NDE1: variants seen among roughly 807,000 people sequenced by gnomAD.
NDE1 encodes nuclear distribution protein nudE homolog 1.
NDE1 carries 28 observed loss-of-function variants against 43.4 expected under a neutral mutation model. The ratio of observed to expected loss-of-function variants is 0.65; its 90% CI spans 0.48 to 0.89. The LOEUF is 0.89. Among genes scored for constraint, NDE1 ranks in the 40% least tolerant of loss-of-function variants. NDE1 has a pLI of 0.00. For synonymous variants in NDE1, 184 were observed against 172.0 expected, an observed-to-expected ratio of 1.07 and a Z score of -0.55; for missense variants, 441 against 434.1, an observed-to-expected ratio of 1.02 and a Z score of -0.14.
In NDE1 at chr16:15,677,818, G is replaced by A; in HGVS notation, c.255G>A (p.Gln85=). 1.2e-6 allele frequency: 2 copies of A among 1,614,168 alleles called. No individual in the cohort carries two copies. The highest frequency in any genetic ancestry group is 1.7e-6 in the Non-Finnish European group (2 of 1,180,034). The stretch of plus-strand genomic sequence containing the variant: ...TCCTTCAGGAGAAGTTTGAAGTGCA[G>A]CACTCTGAAGGCTACCGGCAGATCT... ...LETIKEKFEV[Q]HSEGYRQISA... is the part of the protein sequence containing the mutation. Residue 85 remains glutamine (Q), a synonymous_variant, in exon 4 of 9, where the codon CAG becomes CAA. Transcript: ENST00000396354.
chr16:15,689,888 G>A lies in NDE1; in HGVS notation c.524-1256G>A, dbSNP rs565450474. Among the ~76,000 whole-genome samples, 43 of 146,624 alleles carry A rather than the reference G, an allele frequency of 2.9e-4. 1 individual carries two copies. The South Asian group carries it at 7.8e-3, about 27-fold the overall frequency. ...CCGGGAGGCAGATTTACAGTGAGCC[G>A]AGACTGTGCCACTGCACTTAAGCCC... On this transcript the variant is annotated intron_variant, in intron 5 of 8. Transcript: ENST00000396354.
At position 15,721,385 on chromosome 16, in the gene NDE1, G is replaced by A. The variant is rs373376078; in HGVS notation, c.948-2806G>A. The A allele has an allele frequency of 2.1e-4, 339 of 1,607,430 alleles. 5 individuals carry two copies. In the South Asian group the frequency reaches 3.1e-3, roughly 15 times the overall value. On this transcript the variant is annotated intron_variant, in intron 8 of 8. Coordinates refer to ENST00000396354, the MANE Select transcript of NDE1 (RefSeq NM_017668.3). Reference sequence around the variant, plus strand: ...TGAATAGCACAGAGGGTGGGCAGGCGAAACATGGACGAGAAAAACCACCCA... The same window carrying A: ...TGAATAGCACAGAGGGTGGGCAGGCAAAACATGGACGAGAAAAACCACCCA...
At chr16:15,644,710 C>T (rs1296497567) in intron 1 of NDE1, among the ~76,000 whole-genome samples, 8 of 152,088 alleles carry the variant, frequency 5.3e-5, no homozygotes, top group Admixed American at 5.2e-4. Context: ...CCGTTTCTAG[C>T]GTTTTGGCTT....
intron 4 of NDE1, among the ~76,000 whole-genome samples, chr16:15,684,903 G>A (rs1389402817): frequency 2.0e-5 from 3 of 152,162 alleles, no homozygotes; most frequent in African/African-American, 4.8e-5. Flanking sequence ...ATAGTAGTGC[G>A]TTCTGACTCT....
At position 15,717,306 on chromosome 16, in the gene NDE1, C is replaced by A. The variant is rs1041344233; in HGVS notation, c.948-6885C>A. 6.8e-6 allele frequency: 11 copies of A among 1,612,116 alleles called. No individual in the cohort carries two copies. The highest frequency in any genetic ancestry group is 1.7e-4 in the Middle Eastern group (1 of 6,058). ...TGCCGGGCACTCTCATTCTTCTGGG[C>A]CGTGCTGCGCTCTGTGGCCAGCTCG... On this transcript the variant is annotated intron_variant, in intron 8 of 8. Coordinates refer to ENST00000396354, the MANE Select transcript of NDE1 (RefSeq NM_017668.3).
At chr16:15,700,253 C>A in intron 8 of NDE1, 1 of 275,786 alleles carries the variant, frequency 3.6e-6, no homozygotes, top group Admixed American at 6.1e-5. Context: ...CCCACCACCA[C>A]ACCTGGCTGA....
chr16:15,718,806 A>G (rs2040310597), intron 8 of NDE1: 1 of 412,792 alleles, frequency 2.4e-6, no homozygotes, highest in Non-Finnish European at 4.5e-6. Context: ...CCAATCTCAG[A>G]GGACGCTTCG....
intron 8 of NDE1, chr16:15,719,181 C>T (rs774893600): frequency 3.8e-6 from 6 of 1,592,688 alleles, no homozygotes; most frequent in Non-Finnish European, 5.2e-6. Context: ...TCCCCCCATC[C>T]TCTGCTTCAG....
intron 8 of NDE1, among the ~76,000 whole-genome samples, chr16:15,723,762 C>A (rs2040603198): frequency 6.6e-6 from 1 of 152,174 alleles, no homozygotes; most frequent in East Asian, 1.9e-4. Context: ...TGGAATTTTA[C>A]AGAATGAAAT....
intron 8 of NDE1, among the ~76,000 whole-genome samples, chr16:15,707,160 T>G (rs1319485418): frequency 2.0e-5 from 3 of 152,130 alleles, no homozygotes; most frequent in Non-Finnish European, 4.4e-5. Context: ...TGCCTCAGCC[T>G]TCCAAGTAAC....
At chr16:15,664,350 GTTTA>G (rs1039713018) in intron 1 of NDE1, among the ~76,000 whole-genome samples, 1 of 151,822 alleles carries the variant, frequency 6.6e-6, no homozygotes, top group East Asian at 1.9e-4. Flanking sequence ...CCAGCATAAA[GTTTA>G]TTTATTTATT....
intron 8 of NDE1, chr16:15,718,598 G>GA: frequency 8.7e-7 from 1 of 1,144,296 alleles, no homozygotes; most frequent in Non-Finnish European, 1.2e-6. Context: ...ACACAGCCAG[G>GA]AAGTGGACAG....
At chr16:15,707,426 C>T (rs1343681429) in intron 8 of NDE1, among the ~76,000 whole-genome samples, 1 of 152,176 alleles carries the variant, frequency 6.6e-6, no homozygotes, top group Non-Finnish European at 1.5e-5. Context: ...CAGTTTCCCA[C>T]TGACCAGTGG....
intron 3 of NDE1, chr16:15,672,711 C>T (rs553524545): frequency 3.9e-5 from 6 of 152,300 alleles, no homozygotes; most frequent in South Asian, 2.1e-4. Flanking sequence ...ATCTCTCAAT[C>T]GCCAGTGCAG....
intron 1 of NDE1, among the ~76,000 whole-genome samples, chr16:15,662,444 A>G (rs963227822): frequency 6.6e-6 from 1 of 150,592 alleles, no homozygotes; most frequent in African/African-American, 2.4e-5. Context: ...CACCACGCCC[A>G]GCTAATTTTT....
At chr16:15,670,148 T>C (rs1319686305) in intron 3 of NDE1, among the ~76,000 whole-genome samples, 1 of 152,204 alleles carries the variant, frequency 6.6e-6, no homozygotes, top group Non-Finnish European at 1.5e-5. Context: ...GGCCCTGGCA[T>C]GTCTGTGTGG....
chr16:15,666,462 T>G (rs2037311955), intron 2 of NDE1, among the ~76,000 whole-genome samples: 1 of 152,036 alleles, frequency 6.6e-6, no homozygotes, highest in African/African-American at 2.4e-5. Flanking sequence ...ATACAGAAAT[T>G]AGCAGGCATG....
At chr16:15,693,659 G>A (rs1396820378) in intron 6 of NDE1, among the ~76,000 whole-genome samples, 1 of 152,064 alleles carries the variant, frequency 6.6e-6, no homozygotes, top group African/African-American at 2.4e-5. Context: ...TTTGTTAAAG[G>A]CCAGGCATGG....
At position 15,666,035 on chromosome 16, in the gene NDE1, C is replaced by T. The variant is rs138256289; in HGVS notation, c.83+1174C>T. On this transcript the variant is annotated intron_variant, in intron 2 of 8. Coordinates refer to ENST00000396354, the MANE Select transcript of NDE1 (RefSeq NM_017668.3). ...CTTCCCTAAGTGCTGGGATTACAGG[C>T]GTGAGCCACCACGCCCGGTGTCCAT... Among the ~76,000 whole-genome samples the T allele has an allele frequency of 2.5e-3, 384 of 152,250 alleles. 7 individuals carry two copies. In the East Asian group the frequency reaches 0.05, roughly 20 times the overall value.
Sources: gnomAD v4.1 joint callset for allele counts (sites outside exome capture counted in the v4.1 genomes callset) on GRCh38, gnomAD v4.1.1 for gene constraint, MANE v1.5 for transcripts, NCBI Gene and HGNC (gene_info 2026-07-23, HGNC 2026-07-21) for gene names.